The following KCND2 variants were observed in gnomAD, a reference collection of about 807,000 sequenced individuals.
KCND2 encodes potassium voltage-gated channel subfamily D member 2, also known as A-type voltage-gated potassium channel KCND2.
Under a neutral mutation model 54.4 loss-of-function variants are expected in KCND2, and 16 were observed. The observed-to-expected ratio is 0.29, with a 90% confidence interval of 0.20 to 0.45. KCND2 has a LOEUF of 0.45. Among genes scored for constraint, KCND2 ranks in the 20% least tolerant of loss-of-function variants. The pLI is 1.00. For synonymous variants in KCND2, 317 were observed against 310.7 expected (o/e 1.02, Z -0.21); for missense variants, 486 against 824.2 (o/e 0.59, Z 5.02).
intron 1 of KCND2, among the ~76,000 whole-genome samples, chr7:120,687,752 CAT>C (rs1281240077): frequency 6.6e-6 from 1 of 152,088 alleles, no homozygotes; most frequent in African/African-American, 2.4e-5. Context: ...AATGATAAAA[CAT>C]AATACTAATC....
chr7:120,536,331 A>T (rs970384361), intron 1 of KCND2, among the ~76,000 whole-genome samples: 1 of 152,092 alleles, frequency 6.6e-6, no homozygotes, highest in Admixed American at 6.6e-5. Flanking sequence ...TCTTGCCTTG[A>T]TGTTGATGGT....
chr7:120,721,713 C>T (rs1024879549), intron 1 of KCND2, among the ~76,000 whole-genome samples: 3 of 152,174 alleles, frequency 2.0e-5, no homozygotes, highest in African/African-American at 7.2e-5. Flanking sequence ...ACTTTGGAAT[C>T]GTTAGCAGGG....
chr7:120,602,682 CAAGAAA>C (rs1792829579), intron 1 of KCND2, among the ~76,000 whole-genome samples: 1 of 152,156 alleles, frequency 6.6e-6, no homozygotes, highest in Non-Finnish European at 1.5e-5. Context: ...TATTCAGCCT[CAAGAAA>C]TAACTACTTC....
chr7:120,713,037 T>G (rs76977230), intron 1 of KCND2, among the ~76,000 whole-genome samples: 44 of 152,334 alleles, frequency 2.9e-4, no homozygotes, highest in African/African-American at 1.1e-3. Flanking sequence ...AATTTAGCCT[T>G]GCTAAGCCTC....
At chr7:120,678,742 A>G (rs1315768335) in intron 1 of KCND2, among the ~76,000 whole-genome samples, 10 of 7,972 alleles carry the variant, frequency 1.3e-3, no homozygotes, top group East Asian at 8.8e-3. Context: ...GTGAGTGTAT[A>G]TATATATATA....
At chr7:120,350,981 T>A (rs147549721) in intron 1 of KCND2, among the ~76,000 whole-genome samples, 1 of 152,172 alleles carries the variant, frequency 6.6e-6, no homozygotes, top group East Asian at 1.9e-4. Flanking sequence ...GTTTTAAGTG[T>A]AGTTATTGAA....
intron 1 of KCND2, among the ~76,000 whole-genome samples, chr7:120,712,867 C>T (rs1356710148): frequency 6.6e-6 from 1 of 152,114 alleles, no homozygotes; most frequent in Non-Finnish European, 1.5e-5. Flanking sequence ...TCCAGAATGC[C>T]TGGGTACGAT....
chr7:120,579,646 AAAATAAAAT>A (rs1792489866), intron 1 of KCND2, among the ~76,000 whole-genome samples: 1 of 137,718 alleles, frequency 7.3e-6, no homozygotes, highest in African/African-American at 3.0e-5. Flanking sequence ...ATAAATAAAT[AAAATAAAAT>A]AAATAAAAAT....
chr7:120,653,725 A>T (rs1266385738), intron 1 of KCND2, among the ~76,000 whole-genome samples: 2 of 152,242 alleles, frequency 1.3e-5, no homozygotes, highest in East Asian at 3.8e-4. Flanking sequence ...ACAGTAACAC[A>T]CCTACTATGT....
At chr7:120,456,161 C>T (rs1399133605) in intron 1 of KCND2, among the ~76,000 whole-genome samples, 8 of 152,128 alleles carry the variant, frequency 5.3e-5, no homozygotes, top group Non-Finnish European at 1.0e-4. Flanking sequence ...AACTCACATG[C>T]ATGGGTTTGA....
intron 1 of KCND2, among the ~76,000 whole-genome samples, chr7:120,298,288 A>G (rs1799539370): frequency 6.6e-6 from 1 of 152,182 alleles, no homozygotes; most frequent in South Asian, 2.1e-4. Context: ...GTAAACAGTC[A>G]CCAAAAGGGG....
At chr7:120,276,906 G>T (rs1173325004) in intron 1 of KCND2, among the ~76,000 whole-genome samples, 1 of 152,038 alleles carries the variant, frequency 6.6e-6, no homozygotes, top group Non-Finnish European at 1.5e-5. Flanking sequence ...TACTATTCTT[G>T]CATAGGTAAT....
chr7:120,325,544 A>G (rs1024770558), intron 1 of KCND2, among the ~76,000 whole-genome samples: 2 of 151,382 alleles, frequency 1.3e-5, no homozygotes, highest in African/African-American at 4.9e-5. Flanking sequence ...CCTTTTCTGC[A>G]TCTATTGAGA....
chr7:120,687,754 T>C (rs1486705925), intron 1 of KCND2, among the ~76,000 whole-genome samples: 6 of 152,176 alleles, frequency 3.9e-5, no homozygotes, highest in Non-Finnish European at 8.8e-5. Flanking sequence ...TGATAAAACA[T>C]AATACTAATC....
intron 1 of KCND2, among the ~76,000 whole-genome samples, chr7:120,426,866 C>T (rs866271479): frequency 2.6e-5 from 4 of 152,050 alleles, no homozygotes; most frequent in Non-Finnish European, 5.9e-5. Flanking sequence ...GTGATCCGCC[C>T]GCTTCAGCCT....
intron 1 of KCND2, among the ~76,000 whole-genome samples, chr7:120,675,813 G>A (rs892027565): frequency 1.3e-5 from 2 of 148,210 alleles, no homozygotes; most frequent in South Asian, 4.4e-4. Context: ...CCCTTGACTA[G>A]TTTATAAGTG....
chr7:120,424,911 G>A (rs1801679380), intron 1 of KCND2, among the ~76,000 whole-genome samples: 1 of 152,134 alleles, frequency 6.6e-6, no homozygotes, highest in South Asian at 2.1e-4. Context: ...TTCATGCAAT[G>A]CAGATTTTGC....
intron 1 of KCND2, among the ~76,000 whole-genome samples, chr7:120,693,611 C>T (rs1387359889): frequency 6.6e-6 from 1 of 152,174 alleles, no homozygotes; most frequent in Non-Finnish European, 1.5e-5. Flanking sequence ...GGGAAGTTAA[C>T]TGGCTTCCAA....
At chr7:120,400,959 TA>T (rs36005791) in intron 1 of KCND2, among the ~76,000 whole-genome samples, 261 of 145,204 alleles carry the variant, frequency 1.8e-3, no homozygotes, top group Middle Eastern at 3.5e-3. Context: ...CATGTACTAT[TA>T]AAAAAAAAAA....
Sources: allele counts gnomAD v4.1 joint callset (sites outside exome capture counted in the v4.1 genomes callset), GRCh38; gene constraint gnomAD v4.1.1; transcripts MANE v1.5; gene names NCBI Gene and HGNC (gene_info 2026-07-23, HGNC 2026-07-21).